Variants in LMTK2 observed in about 807,000 individuals in gnomAD.
LMTK2 encodes the protein serine/threonine-protein kinase LMTK2.
Under a neutral mutation model 127.5 loss-of-function variants are expected in LMTK2, and 37 were observed. That is an observed-to-expected ratio of 0.29 (90% CI 0.22 to 0.38). LMTK2 has a LOEUF of 0.38. Among genes scored for constraint, LMTK2 ranks in the 10% least tolerant of loss-of-function variants. The probability of loss-of-function intolerance (pLI) is 1.00; values close to 1 mark genes in which losing one functional copy is unlikely to be tolerated. For synonymous variants in LMTK2, 819 were observed against 810.1 expected (o/e 1.01, Z -0.19); for missense variants, 1,694 against 1,920.3 (o/e 0.88, Z 2.20).
intron 7 of LMTK2, among the ~76,000 whole-genome samples, chr7:98,175,803 C>T (rs889682360): frequency 2.0e-5 from 3 of 152,170 alleles, no homozygotes; most frequent in African/African-American, 7.2e-5. Context: ...AGACTGTAAT[C>T]AGCCGAGTAG....
chr7:98,119,201 T>C (rs189020902), intron 1 of LMTK2, among the ~76,000 whole-genome samples: 1 of 152,326 alleles, frequency 6.6e-6, no homozygotes, highest in Admixed American at 6.5e-5. Flanking sequence ...GTTTTCTGGT[T>C]ATTTCTCCCC....
At position 98,204,109 on chromosome 7, in the gene LMTK2, C is replaced by T. The variant is rs1371813907; in HGVS notation, c.4406C>T (p.Ser1469Phe). Residue 1469 changes from serine (S) to phenylalanine (F), a missense_variant, in exon 13 of 14, where the codon TCC becomes TTC. Coordinates refer to ENST00000297293, the MANE Select transcript of LMTK2 (RefSeq NM_014916.4). ...AGCTGGCCGCACTCGGCGCCTTACT[C>T]CCGGTTCTCCATCTCTCCCGCCAAC... is the stretch of plus-strand genomic sequence containing the variant. ...EQSWPHSAPY[S>F]RFSISPANIA... 3.7e-6 allele frequency: 6 copies of T among 1,612,858 alleles called. No individual in the cohort carries two copies. Among genetic ancestry groups the T allele is most frequent in the Non-Finnish European group, 3.4e-6 (4 of 1,180,038 alleles).
At chr7:98,175,818 A>G (rs1236135811) in intron 7 of LMTK2, among the ~76,000 whole-genome samples, 1 of 152,242 alleles carries the variant, frequency 6.6e-6, no homozygotes, top group African/African-American at 2.4e-5. Flanking sequence ...GAGTAGCTAC[A>G]CTGGGAAGGT....
chr7:98,161,487 C>T (rs1167875939), intron 6 of LMTK2, among the ~76,000 whole-genome samples: 1 of 152,146 alleles, frequency 6.6e-6, no homozygotes, highest in Admixed American at 6.6e-5. Context: ...GATACCGAGA[C>T]TCAGTGTGCT....
chr7:98,165,615 C>G (rs1797084459), intron 6 of LMTK2, among the ~76,000 whole-genome samples: 1 of 152,116 alleles, frequency 6.6e-6, no homozygotes, highest in Non-Finnish European at 1.5e-5. Flanking sequence ...ACTTTTATAC[C>G]AGGTGGTTTA....
Position 98,171,482 on chromosome 7 carries a change from T to TA in LMTK2, c.658-57dup. On this transcript the variant is annotated intron_variant, in intron 6 of 13. Transcript: ENST00000297293. The surrounding 1 kb of genome is among the most constrained non-coding windows in gnomAD (Gnocchi z 5.1). ...GTTAGTGTTCACCGAGGCACGTATT[T>TA]AAGCGCTCACTTTATTCCTGTGGCT... 6.2e-7 allele frequency: 1 copy of TA among 1,611,892 alleles called. No homozygotes were observed. Among genetic ancestry groups the TA allele is most frequent in the Non-Finnish European group, 8.5e-7 (1 of 1,178,090 alleles).
chr7:98,142,124 A>G (rs1007742970), intron 3 of LMTK2, among the ~76,000 whole-genome samples: 2 of 152,192 alleles, frequency 1.3e-5, no homozygotes, highest in Non-Finnish European at 2.9e-5. Context: ...TGTGATTAAA[A>G]TAATACCTTT....
At position 98,141,483 on chromosome 7, in the gene LMTK2, C is replaced by T; in HGVS notation, c.318C>T (p.Phe106=). The change falls in exon 3 of 14, where the codon TTC becomes TTT. Residue 106 remains phenylalanine (F), a synonymous_variant. Transcript: ENST00000297293. ...CTGTTCAGTCCCCAGCAGAGGTCTT[C>T]ACACTTTCAGTACCAAATATTTCAC... The part of the protein sequence containing the change: ...TPSVQSPAEV[F]TLSVPNISLP... 6 of 1,613,960 alleles carry T rather than the reference C, an allele frequency of 3.7e-6. No individual in the cohort carries two copies. Among genetic ancestry groups the T allele is most frequent in the Non-Finnish European group, 5.1e-6 (6 of 1,179,824 alleles).
chr7:98,204,085 G>A lies in LMTK2; in HGVS notation c.4382G>A (p.Ser1461Asn). The A allele has an allele frequency of 6.2e-7, 1 of 1,613,764 alleles. No homozygotes were observed. Among genetic ancestry groups the A allele is most frequent in the Non-Finnish European group, 8.5e-7 (1 of 1,180,042 alleles). ...CCACCGGCCCGGAGCACGGAGCAGAGCTGGCCGCACTCGGCGCCTTACTCC... is the reference window on the plus strand; with the variant it reads ...CCACCGGCCCGGAGCACGGAGCAGAACTGGCCGCACTCGGCGCCTTACTCC... ...PPPPARSTEQ[S>N]WPHSAPYSRF... The change falls in exon 13 of 14, where the codon AGC becomes AAC. Residue 1461 changes from serine to asparagine, a missense_variant. Around this residue, in one of 8 missense-constraint regions of LMTK2, gnomAD observed 554 missense variants for 567.7 expected, o/e 0.98. Transcript: ENST00000297293.
chr7:98,146,937 C>A (rs193163818), intron 3 of LMTK2, among the ~76,000 whole-genome samples: 1 of 152,192 alleles, frequency 6.6e-6, no homozygotes, highest in South Asian at 2.1e-4. Context: ...GGCAGGTATA[C>A]TGGCAGCAAA....
chr7:98,156,389 T>C (rs962505962), intron 5 of LMTK2, among the ~76,000 whole-genome samples: 2 of 150,946 alleles, frequency 1.3e-5, no homozygotes, highest in South Asian at 2.1e-4. Context: ...GGCGTGAACC[T>C]GGGAGGTGGA....
chr7:98,152,175 A>G (rs1028683207), intron 4 of LMTK2, among the ~76,000 whole-genome samples: 2 of 152,150 alleles, frequency 1.3e-5, no homozygotes, highest in Admixed American at 1.3e-4. Context: ...ACCATGAACA[A>G]CTAGTCTTCT....
chr7:98,205,391 G>A, intron 13 of LMTK2, 73 bp from the exon 14 acceptor site: 1 of 1,566,480 alleles, frequency 6.4e-7, no homozygotes, highest in Non-Finnish European at 8.8e-7. Flanking sequence ...CAGCGCACAT[G>A]CCATCCACGC....
At chr7:98,201,117 C>A (rs748478325) in intron 11 of LMTK2, among the ~76,000 whole-genome samples, 3 of 151,416 alleles carry the variant, frequency 2.0e-5, no homozygotes, top group Non-Finnish European at 4.4e-5. Flanking sequence ...AAGACTATTT[C>A]ACACTCATTC....
intron 1 of LMTK2, among the ~76,000 whole-genome samples, chr7:98,111,082 T>A (rs769721922): frequency 1.3e-5 from 2 of 152,244 alleles, no homozygotes; most frequent in Non-Finnish European, 2.9e-5. Context: ...GCAATTACTT[T>A]TACTTGGTGA....
intron 7 of LMTK2, among the ~76,000 whole-genome samples, chr7:98,180,841 A>G (rs143083121): frequency 1.6e-3 from 241 of 152,340 alleles, no homozygotes; most frequent in African/African-American, 5.5e-3. Context: ...ATAGCATTTT[A>G]GAGTTCCTTC....
At chr7:98,167,632 C>T (rs1390419682) in intron 6 of LMTK2, among the ~76,000 whole-genome samples, 1 of 152,188 alleles carries the variant, frequency 6.6e-6, no homozygotes, top group East Asian at 1.9e-4. Context: ...ACGGCGATGC[C>T]ACTTACTGAG....
intron 3 of LMTK2, among the ~76,000 whole-genome samples, chr7:98,143,387 A>G (rs963736050): frequency 5.9e-5 from 9 of 152,234 alleles, no homozygotes; most frequent in African/African-American, 2.2e-4. Flanking sequence ...ACCACACACA[A>G]ATTGACAGAG....
At chr7:98,188,448 A>T (rs1437382914) in intron 9 of LMTK2, among the ~76,000 whole-genome samples, 4 of 152,094 alleles carry the variant, frequency 2.6e-5, no homozygotes, top group South Asian at 2.1e-4. Context: ...TCCATTTTTT[A>T]AAAAAAGTTA....
Sources: gnomAD v4.1 joint callset for allele counts (sites outside exome capture counted in the v4.1 genomes callset) on GRCh38, gnomAD v4.1.1 for gene constraint, gnomAD v4.1.1 regional missense constraint, Gnocchi (gnomAD v3.1) non-coding constraint, MANE v1.5 for transcripts, NCBI Gene and HGNC (gene_info 2026-07-23, HGNC 2026-07-21) for gene names.